The following ATXN1 variants were observed in gnomAD, a reference collection of about 807,000 sequenced individuals.
ATXN1 encodes the protein ataxin-1.
ATXN1 carries 8 observed loss-of-function variants against 56.4 expected under a neutral mutation model. That is an observed-to-expected ratio of 0.14 (90% CI 0.08 to 0.26). The LOEUF is 0.26. Ranked by LOEUF, ATXN1 falls within the 10% of genes least tolerant of loss-of-function variation. The probability of loss-of-function intolerance (pLI) is 1.00; values close to 1 mark genes in which losing one functional copy is unlikely to be tolerated. For missense variants in ATXN1, 987 were observed against 1,106.5 expected, an observed-to-expected ratio of 0.89 and a Z score of 1.53; for synonymous variants, 514 against 494.6, an observed-to-expected ratio of 1.04 and a Z score of -0.52.
At chr6:16,394,712 A>G (rs2113526405) in intron 6 of ATXN1, among the ~76,000 whole-genome samples, 1 of 152,326 alleles carries the variant, frequency 6.6e-6, no homozygotes, top group South Asian at 2.1e-4. Flanking sequence ...AGATCCATAA[A>G]CCATTTTTCA....
chr6:16,731,585 A>G (rs1231421758), intron 2 of ATXN1, among the ~76,000 whole-genome samples: 1 of 150,114 alleles, frequency 6.7e-6, no homozygotes, highest in East Asian at 2.0e-4. Flanking sequence ...GACAGCCTTT[A>G]GCAGGAGGAA....
At position 16,440,648 on chromosome 6, in the gene ATXN1, A is replaced by AAAAAAAAAAAAAAAGAAAG. The variant is rs748929817; in HGVS notation, c.-161+45323_-161+45324insCTTTCTTTTTTTTTTTTTT. On this transcript the variant is annotated intron_variant, in intron 6 of 7. Coordinates refer to ENST00000436367, the MANE Select transcript of ATXN1 (RefSeq NM_001128164.2). Reference sequence around the variant, plus strand: ...AGAGTGAGACCCTGTCTTAAAAAAAAAAAAGAAAAGAAAAGAAAAAATTAA... The same window carrying AAAAAAAAAAAAAAAGAAAG: ...AGAGTGAGACCCTGTCTTAAAAAAAAAAAAAAAAAAAAAAGAAAGAAAAGAAAAGAAAAGAAAAAATTAA... Among the ~76,000 whole-genome samples, 26 of 118,546 alleles carry AAAAAAAAAAAAAAAGAAAG rather than the reference A, an allele frequency of 2.2e-4. 1 individual carries two copies. Among genetic ancestry groups the AAAAAAAAAAAAAAAGAAAG allele is most frequent in the African/African-American group, 9.3e-4 (26 of 28,004 alleles). The allele number at this position is 118,546 out of a possible 152,430, so 77.8% of individuals were successfully genotyped here. A position where few individuals can be genotyped will look rare whatever the true frequency, so the allele number is the denominator to read the frequency against.
chr6:16,655,255 G>A, intron 3 of ATXN1, among the ~76,000 whole-genome samples: 1 of 152,178 alleles, frequency 6.6e-6, no homozygotes, highest in East Asian at 1.9e-4. Context: ...GCACAGTGGT[G>A]CATGCCTGTA....
chr6:16,682,669 T>C (rs1581361569), intron 2 of ATXN1, among the ~76,000 whole-genome samples: 1 of 152,346 alleles, frequency 6.6e-6, no homozygotes, highest in East Asian at 1.9e-4. Flanking sequence ...GTGACAAATA[T>C]AATTGAAGTT....
At position 16,445,804 on chromosome 6, in the gene ATXN1, G is replaced by A. The variant is rs561640362; in HGVS notation, c.-161+40168C>T. 4.6e-5 allele frequency among the ~76,000 whole-genome samples: 7 copies of A among 150,814 alleles called. No homozygotes were observed. In the East Asian group the frequency reaches 1.4e-3, roughly 30 times the overall value. ...TTTTTTGTCCTTGTGATAGTTTACTGAGAATGATGATTTCCAATTTCATCC... is the reference window on the plus strand; with the variant it reads ...TTTTTTGTCCTTGTGATAGTTTACTAAGAATGATGATTTCCAATTTCATCC... On this transcript the variant is annotated intron_variant, in intron 6 of 7. Transcript: ENST00000436367.
chr6:16,641,793 G>A (rs1763710628), intron 3 of ATXN1, among the ~76,000 whole-genome samples: 1 of 152,182 alleles, frequency 6.6e-6, no homozygotes, highest in Non-Finnish European at 1.5e-5. Context: ...ATGGATCTGG[G>A]AAAAGTAAAT....
At chr6:16,388,006 G>A (rs1369736971) in intron 6 of ATXN1, among the ~76,000 whole-genome samples, 5 of 152,188 alleles carry the variant, frequency 3.3e-5, no homozygotes, top group Non-Finnish European at 7.3e-5. Flanking sequence ...GTCAGTGGAG[G>A]AGCCAAGATG....
intron 3 of ATXN1, among the ~76,000 whole-genome samples, chr6:16,613,274 A>T (rs1437776001): frequency 6.7e-6 from 1 of 148,488 alleles, no homozygotes; most frequent in Non-Finnish European, 1.5e-5. Context: ...TCCGTCTCAA[A>T]AAAAAAAAAA....
At position 16,642,600 on chromosome 6, in the gene ATXN1, T is replaced by C. The variant is rs75764758; in HGVS notation, c.-489+15176A>G. On this transcript the variant is annotated intron_variant, in intron 3 of 7. Coordinates refer to ENST00000436367, the MANE Select transcript of ATXN1 (RefSeq NM_001128164.2). The stretch of plus-strand genomic sequence containing the variant: ...TAAAATGCTCTCAAACAATGGTGCA[T>C]ACTACAGAGAAATCTTTCATGAAAG... Among the ~76,000 whole-genome samples, 70 of 152,324 alleles carry C rather than the reference T, an allele frequency of 4.6e-4. No individual in the cohort carries two copies. The East Asian group carries it at 0.012, about 27-fold the overall frequency.
At position 16,579,492 on chromosome 6, in the gene ATXN1, CA is replaced by C. The variant is rs61696661; in HGVS notation, c.-361+6287del. On this transcript the variant is annotated intron_variant, in intron 4 of 7. Transcript: ENST00000436367. ...TACCTTGGTCAAAGCCCCCCCCCCC[CA>C]CCCGCCGATTCATTCCCAAGTCCAA... 3.5e-3 allele frequency among the ~76,000 whole-genome samples: 149 copies of C among 42,528 alleles called. 15 individuals carry two copies. Among genetic ancestry groups the C allele is most frequent in the East Asian group, 0.013 (11 of 818 alleles). The allele number at this position is 42,528 out of a possible 152,430, so 27.9% of individuals were successfully genotyped here. A position where few individuals can be genotyped will look rare whatever the true frequency, so the allele number is the denominator to read the frequency against.
intron 3 of ATXN1, among the ~76,000 whole-genome samples, chr6:16,636,375 A>G (rs978525602): frequency 1.3e-5 from 2 of 152,166 alleles, no homozygotes; most frequent in Admixed American, 6.5e-5. Flanking sequence ...TCATCTGCCT[A>G]CTTGTTTCTC....
chr6:16,343,765 C>A (rs769658911), intron 6 of ATXN1, among the ~76,000 whole-genome samples: 3 of 152,096 alleles, frequency 2.0e-5, no homozygotes, highest in Non-Finnish European at 2.9e-5. Context: ...TGTGGCTTTG[C>A]GGGCCATACA....
At chr6:16,747,928 GC>G (rs1319080627) in intron 2 of ATXN1, among the ~76,000 whole-genome samples, 2 of 152,186 alleles carry the variant, frequency 1.3e-5, no homozygotes, top group Non-Finnish European at 2.9e-5. Context: ...CTTAGAGCTT[GC>G]GTTCAGCGCC....
In ATXN1 at chr6:16,579,480, GCCCCCC is replaced by G. The variant is rs796374864; in HGVS notation, c.-361+6294_-361+6299del. Among the ~76,000 whole-genome samples, 66 of 21,896 alleles carry G rather than the reference GCCCCCC, an allele frequency of 3.0e-3. 13 individuals carry two copies. The highest frequency in any genetic ancestry group is 5.7e-3 in the African/African-American group (60 of 10,572). 14.4% of individuals were successfully genotyped at this position (21,896 alleles called of 152,430 possible). On this transcript the variant is annotated intron_variant, in intron 4 of 7. Coordinates refer to ENST00000436367, the MANE Select transcript of ATXN1 (RefSeq NM_001128164.2). Reference sequence around the variant, plus strand: ...AGGGTCACTGAGTACCTTGGTCAAAGCCCCCCCCCCCCACCCGCCGATTCATTCCCA... The same window carrying G: ...AGGGTCACTGAGTACCTTGGTCAAAGCCCCCCACCCGCCGATTCATTCCCA...
In ATXN1 at chr6:16,649,058, C is replaced by T. The variant is rs190915661; in HGVS notation, c.-489+8718G>A. 1.8e-3 allele frequency among the ~76,000 whole-genome samples: 279 copies of T among 152,166 alleles called. 1 individual carries two copies. The highest frequency in any genetic ancestry group is 6.4e-3 in the African/African-American group (265 of 41,536). ...AAAGATGTGAGCAGCGTGCCTCACA[C>T]ACTAGCCTTCATAAAATTCCATTCT... On this transcript the variant is annotated intron_variant, in intron 3 of 7. Coordinates refer to ENST00000436367, the MANE Select transcript of ATXN1 (RefSeq NM_001128164.2).
intron 7 of ATXN1, among the ~76,000 whole-genome samples, chr6:16,325,325 C>G (rs1200030393): frequency 6.6e-6 from 1 of 152,104 alleles, no homozygotes; most frequent in East Asian, 1.9e-4. Flanking sequence ...ACCATGTTGG[C>G]CAGGCCGGTC....
chr6:16,326,461 C>T lies in ATXN1; in HGVS notation c.1850G>A (p.Arg617Lys), dbSNP rs1760807713. ...GCCCGGGCTATGGCTGTCTTCAATC[C>T]TCTCTACGGTGCTGGAGTCGATCTT... ...DLKIDSSTVE[R>K]IEDSHSPGVA... is the part of the protein sequence containing the mutation. Residue 617 changes from arginine to lysine, a missense_variant, in exon 7 of 8, where the codon AGG (arginine) becomes AAG (lysine). Around this residue, in one of 3 missense-constraint regions of ATXN1, gnomAD observed 68 missense variants for 118.1 expected, o/e 0.58. Transcript: ENST00000436367. The surrounding 1 kb of genome is among the most constrained non-coding windows in gnomAD (Gnocchi z 6.6). 6.2e-7 allele frequency: 1 copy of T among 1,614,176 alleles called. No homozygotes were observed.
intron 5 of ATXN1, among the ~76,000 whole-genome samples, chr6:16,487,393 T>C (rs1760571177): frequency 1.3e-5 from 2 of 152,026 alleles, no homozygotes; most frequent in Non-Finnish European, 2.9e-5. Context: ...TAATAACAAA[T>C]CTTAGATTTG....
intron 4 of ATXN1, among the ~76,000 whole-genome samples, chr6:16,550,155 C>CAAAAAAAAAAAAAAAAAAAAAAAAA (rs70999336): frequency 1.1e-5 from 1 of 91,196 alleles, no homozygotes; most frequent in African/African-American, 4.5e-5. Flanking sequence ...AAATAAAATA[C>CAAAAAAAAAAAAAAAAAAAAAAAAA]AAAAAAAAAA....
Sources: allele counts gnomAD v4.1 joint callset (sites outside exome capture counted in the v4.1 genomes callset), GRCh38; gene constraint gnomAD v4.1.1; regional missense constraint gnomAD v4.1.1; non-coding constraint Gnocchi (gnomAD v3.1); transcripts MANE v1.5; gene names NCBI Gene and HGNC (gene_info 2026-07-23, HGNC 2026-07-21).